RBFOX1: variants seen among roughly 807,000 people sequenced by gnomAD.
The protein encoded by RBFOX1 is RNA binding fox-1 homolog 1, also known as RNA binding protein fox-1 homolog 1.
A neutral mutation model predicts 57.7 loss-of-function variants in RBFOX1; 8 were observed. The observed-to-expected ratio is 0.14, with a 90% CI of 0.08 to 0.25. The LOEUF is 0.25. Among genes scored for constraint, RBFOX1 ranks in the 10% least tolerant of loss-of-function variants. The probability of loss-of-function intolerance (pLI) is 1.00; values close to 1 mark genes in which losing one functional copy is unlikely to be tolerated. For missense variants in RBFOX1, 611 were observed against 548.5 expected (o/e 1.11, Z -1.14); for synonymous variants, 326 against 222.4 (o/e 1.47, Z -4.15).
At chr16:6,583,868 GA>G (rs1437920314) in intron 2 of RBFOX1, among the ~76,000 whole-genome samples, 1 of 152,040 alleles carries the variant, frequency 6.6e-6, no homozygotes, top group Non-Finnish European at 1.5e-5. Context: ...CAAATAATAG[GA>G]TTGGAAAATG....
intron 3 of RBFOX1, among the ~76,000 whole-genome samples, chr16:6,657,696 CAA>C (rs2098669715): frequency 6.6e-6 from 1 of 152,146 alleles, no homozygotes; most frequent in South Asian, 2.1e-4. Context: ...ATTGAAGTGA[CAA>C]GAGATGGCAG....
chr16:6,670,231 G>GTT (rs560565288), intron 3 of RBFOX1, among the ~76,000 whole-genome samples: 1 of 147,940 alleles, frequency 6.8e-6, no homozygotes, highest in South Asian at 2.1e-4. Context: ...GCCTGGCTAT[G>GTT]TTTTTTTTTT....
chr16:5,433,558 TGACACAAAGAGAGG>T (rs758347641), intron 1 of RBFOX1, among the ~76,000 whole-genome samples: 40 of 152,094 alleles, frequency 2.6e-4, no homozygotes, highest in Non-Finnish European at 5.4e-4. Flanking sequence ...AGTAAGTGAG[TGACACAAAGAGAGG>T]GACACAAAGA....
intron 3 of RBFOX1, among the ~76,000 whole-genome samples, chr16:5,778,786 G>A (rs1431164834): frequency 1.3e-5 from 2 of 152,110 alleles, no homozygotes; most frequent in African/African-American, 4.8e-5. Flanking sequence ...CCACCCCTCA[G>A]CCACTGTGCA....
In RBFOX1 at chr16:6,871,996, C is replaced by G. The variant is rs578111734; in HGVS notation, c.-15-180061C>G. Among the ~76,000 whole-genome samples, 8 of 149,714 alleles carry G rather than the reference C, an allele frequency of 5.3e-5. No homozygotes were observed. In the South Asian group the frequency reaches 1.3e-3, roughly 24 times the overall value. On this transcript the variant is annotated intron_variant, in intron 3 of 15. Transcript: ENST00000550418. ...GTAGAGTATGGGGATCTCTGAAACC[C>G]TTTGTATACTCAATCCTATTGTTCA...
intron 4 of RBFOX1, among the ~76,000 whole-genome samples, chr16:7,127,320 A>G (rs1273368535): frequency 6.6e-6 from 1 of 152,210 alleles, no homozygotes; most frequent in Non-Finnish European, 1.5e-5. Flanking sequence ...TGGTCTCAAG[A>G]GAGAAGGTTA....
chr16:7,058,449 C>T lies in RBFOX1; in HGVS notation c.27+6351C>T, dbSNP rs565716702. On this transcript the variant is annotated intron_variant, in intron 4 of 15. Transcript: ENST00000550418. ...AATCAGGGGCCTGGAGCTACGCCTA[C>T]TGAGATAAAATCTAGACTTTGCAAC... Among the ~76,000 whole-genome samples the T allele has an allele frequency of 1.2e-4, 18 of 152,288 alleles. No individual in the cohort carries two copies. In the East Asian group the frequency reaches 3.1e-3, roughly 26 times the overall value.
chr16:7,010,579 T>A (rs1045167463), intron 3 of RBFOX1, among the ~76,000 whole-genome samples: 2 of 151,996 alleles, frequency 1.3e-5, no homozygotes, highest in Non-Finnish European at 2.9e-5. Context: ...AGACAGAGTT[T>A]TTCTCTGTCA....
intron 4 of RBFOX1, among the ~76,000 whole-genome samples, chr16:6,002,322 G>A (rs1015261609): frequency 5.3e-5 from 8 of 152,126 alleles, no homozygotes; most frequent in African/African-American, 1.7e-4. Context: ...TAGATTAACA[G>A]GCTAATTTGC....
At chr16:6,799,941 T>A (rs535869142) in intron 3 of RBFOX1, among the ~76,000 whole-genome samples, 1 of 152,240 alleles carries the variant, frequency 6.6e-6, no homozygotes, top group South Asian at 2.1e-4. Context: ...GACTTCGTCT[T>A]GTGATGATGT....
chr16:7,567,212 TATCC>T (rs1402945350), intron 5 of RBFOX1, among the ~76,000 whole-genome samples: 4 of 146,682 alleles, frequency 2.7e-5, no homozygotes, highest in Non-Finnish European at 4.5e-5. Context: ...CCTATATAAA[TATCC>T]ATATATATAT....
At chr16:6,930,221 C>T (rs955217681) in intron 3 of RBFOX1, among the ~76,000 whole-genome samples, 2 of 152,156 alleles carry the variant, frequency 1.3e-5, no homozygotes, top group East Asian at 3.9e-4. Flanking sequence ...ACTCCTAAAA[C>T]TCAACAACAG....
chr16:7,493,423 A>C (rs966835677), intron 4 of RBFOX1, among the ~76,000 whole-genome samples: 1 of 152,242 alleles, frequency 6.6e-6, no homozygotes, highest in African/African-American at 2.4e-5. Flanking sequence ...TAATCACTGG[A>C]ACCTGCGAGT....
chr16:6,977,951 A>ATAAAT (rs2087545758), intron 3 of RBFOX1, among the ~76,000 whole-genome samples: 1 of 149,926 alleles, frequency 6.7e-6, no homozygotes, highest in Non-Finnish European at 1.5e-5. Flanking sequence ...AAAAAAAAAA[A>ATAAAT]GGCAAACCTC....
At chr16:6,230,290 C>A (rs2097449089) in intron 1 of RBFOX1, among the ~76,000 whole-genome samples, 1 of 151,898 alleles carries the variant, frequency 6.6e-6, no homozygotes, top group East Asian at 1.9e-4. Flanking sequence ...CTTGGTAATT[C>A]ATGTGTATTA....
chr16:6,375,539 T>C (rs1364570205), intron 2 of RBFOX1, among the ~76,000 whole-genome samples: 1 of 152,130 alleles, frequency 6.6e-6, no homozygotes. Context: ...GCAGTTTCTC[T>C]TTCGGCTCAT....
At chr16:5,441,463 C>T (rs528684028) in intron 1 of RBFOX1, among the ~76,000 whole-genome samples, 1 of 148,904 alleles carries the variant, frequency 6.7e-6, no homozygotes, top group African/African-American at 2.5e-5. Context: ...CTCCAAGGTT[C>T]AAGCTATTCT....
chr16:6,596,455 T>C (rs943123435), intron 2 of RBFOX1, among the ~76,000 whole-genome samples: 1 of 152,180 alleles, frequency 6.6e-6, no homozygotes, highest in Non-Finnish European at 1.5e-5. Flanking sequence ...AATGTAAATA[T>C]ATGAAGGTAT....
At chr16:6,949,552 G>A (rs9935698) in intron 3 of RBFOX1, among the ~76,000 whole-genome samples, 4 of 151,916 alleles carry the variant, frequency 2.6e-5, no homozygotes, top group Admixed American at 1.3e-4. Flanking sequence ...TACTGATGAC[G>A]ATCTTCGGGG....
Sources: gnomAD v4.1 joint callset for allele counts (sites outside exome capture counted in the v4.1 genomes callset) on GRCh38, gnomAD v4.1.1 for gene constraint, MANE v1.5 for transcripts, NCBI Gene and HGNC (gene_info 2026-07-23, HGNC 2026-07-21) for gene names.